The following EYS variants were observed in gnomAD, a reference collection of about 807,000 sequenced individuals.
EYS encodes protein eyes shut homolog.
EYS carries 250 observed loss-of-function variants against 282.1 expected under a neutral mutation model. The ratio of observed to expected loss-of-function variants is 0.89; its 90% CI spans 0.80 to 0.98. The LOEUF (loss-of-function observed/expected upper bound fraction) is 0.98. Ranked by LOEUF, EYS falls within the 50% of genes least tolerant of loss-of-function variation. The pLI, the probability that EYS is intolerant of heterozygous loss-of-function variation, is 0.00. For missense variants in EYS, 4,016 were observed against 3,709.0 expected (o/e 1.08, Z -2.15); for synonymous variants, 1,355 against 1,282.9 (o/e 1.06, Z -1.20).
intron 31 of EYS, among the ~76,000 whole-genome samples, chr6:64,196,872 T>C (rs1450433707): frequency 6.6e-6 from 1 of 152,060 alleles, no homozygotes; most frequent in African/African-American, 2.4e-5. Flanking sequence ...TGTGCACATG[T>C]ACCCTAAAAC....
chr6:64,798,839 C>A (rs953896347), intron 22 of EYS, among the ~76,000 whole-genome samples: 3 of 151,802 alleles, frequency 2.0e-5, no homozygotes, highest in African/African-American at 7.2e-5. Flanking sequence ...TCATAATAGA[C>A]TTTTCATTCT....
chr6:64,735,264 T>A (rs1407899374), intron 22 of EYS, among the ~76,000 whole-genome samples: 1 of 152,178 alleles, frequency 6.6e-6, no homozygotes, highest in Admixed American at 6.5e-5. Flanking sequence ...TTCGTATTTT[T>A]AGTAGAGACG....
intron 12 of EYS, among the ~76,000 whole-genome samples, chr6:65,119,436 A>T (rs750137895): frequency 1.2e-4 from 19 of 152,124 alleles, no homozygotes; most frequent in Non-Finnish European, 2.1e-4. Context: ...GAAACCAACA[A>T]AACCAATCAT....
In EYS at chr6:63,984,369, A is replaced by T; in HGVS notation, c.7055+14T>A. Reference sequence around the variant, plus strand: ...CATGTAACGTAGGTTGGGAATCAGGAGACTAATACTGACCTGATGCAGGTG... The same window carrying T: ...CATGTAACGTAGGTTGGGAATCAGGTGACTAATACTGACCTGATGCAGGTG... On this transcript the variant is annotated intron_variant, in intron 35 of 42. Transcript: ENST00000503581. 1 of 1,513,724 alleles carries T rather than the reference A, an allele frequency of 6.6e-7. No homozygotes were observed. The highest frequency in any genetic ancestry group is 1.2e-5 in the South Asian group (1 of 83,110). 93.8% of individuals were successfully genotyped at this position (1,513,724 alleles called of 1,614,324 possible).
intron 36 of EYS, among the ~76,000 whole-genome samples, chr6:63,855,273 C>A (rs1772362509): frequency 6.6e-6 from 1 of 152,176 alleles, no homozygotes; most frequent in Non-Finnish European, 1.5e-5. Context: ...GTTTTTCCAT[C>A]TGTACAATGG....
chr6:64,072,580 GT>G (rs1289752999), intron 32 of EYS, among the ~76,000 whole-genome samples: 1 of 151,790 alleles, frequency 6.6e-6, no homozygotes, highest in Non-Finnish European at 1.5e-5. Context: ...ACCAGCACTT[GT>G]GTGTTTTTCT....
chr6:65,627,582 T>C (rs1175546418), intron 2 of EYS, among the ~76,000 whole-genome samples: 1 of 151,882 alleles, frequency 6.6e-6, no homozygotes, highest in Non-Finnish European at 1.5e-5. Context: ...CCAGCTGGAG[T>C]TCCGGGTCAG....
chr6:64,550,152 T>A lies in EYS; in HGVS notation c.5644+40071A>T, dbSNP rs181853708. On this transcript the variant is annotated intron_variant, in intron 26 of 42. Coordinates refer to ENST00000503581, the MANE Select transcript of EYS (RefSeq NM_001142800.2). ...AGTCTATCATTGTTAGACATTTGGGTTGGTTCCAAGTCTTTGCTATTGTGA... is the reference window on the plus strand; with the variant it reads ...AGTCTATCATTGTTAGACATTTGGGATGGTTCCAAGTCTTTGCTATTGTGA... Among the ~76,000 whole-genome samples the A allele has an allele frequency of 5.3e-5, 8 of 152,306 alleles. No individual in the cohort carries two copies. In the East Asian group the frequency reaches 1.5e-3, roughly 29 times the overall value.
chr6:64,065,893 A>G (rs563616034), intron 33 of EYS, among the ~76,000 whole-genome samples: 15 of 152,222 alleles, frequency 9.9e-5, no homozygotes, highest in Non-Finnish European at 2.2e-4. Flanking sequence ...AAAAAAGTAA[A>G]CAAAACAATT....
chr6:63,828,786 T>C (rs1379554013), intron 36 of EYS, among the ~76,000 whole-genome samples: 1 of 152,196 alleles, frequency 6.6e-6, no homozygotes, highest in Non-Finnish European at 1.5e-5. Flanking sequence ...AGAATGGCCA[T>C]AATAAAACAA....
intron 32 of EYS, among the ~76,000 whole-genome samples, chr6:64,075,690 C>A (rs1395425416): frequency 6.6e-6 from 1 of 151,870 alleles, no homozygotes; most frequent in African/African-American, 2.4e-5. Context: ...ATCTTAAGAC[C>A]TTAATTCCCT....
chr6:65,203,772 T>A (rs2150247413), intron 12 of EYS, among the ~76,000 whole-genome samples: 1 of 152,148 alleles, frequency 6.6e-6, no homozygotes, highest in South Asian at 2.1e-4. Context: ...GAATTTAAGA[T>A]ATGCATTGTA....
intron 14 of EYS, among the ~76,000 whole-genome samples, chr6:64,948,254 CCA>C (rs1412876772): frequency 6.6e-6 from 1 of 150,418 alleles, no homozygotes; most frequent in Non-Finnish European, 1.5e-5. Flanking sequence ...TAAAAATAAC[CCA>C]GAGTTTGAGA....
At position 64,765,407 on chromosome 6, in the gene EYS, T is replaced by C. The variant is rs999198018; in HGVS notation, c.3443+47971A>G. On this transcript the variant is annotated intron_variant, in intron 22 of 42. Transcript: ENST00000503581. ...GCTTACCTGCATCTTTCTGTCTCCT[T>C]CTGAGCCCTCCAAACTGTTCCAGCC... 3.9e-5 allele frequency among the ~76,000 whole-genome samples: 6 copies of C among 152,324 alleles called. No individual in the cohort carries two copies. In the South Asian group the frequency reaches 1.2e-3, roughly 32 times the overall value.
At chr6:65,615,930 T>C (rs1278969222) in intron 2 of EYS, among the ~76,000 whole-genome samples, 2 of 114,028 alleles carry the variant, frequency 1.8e-5, no homozygotes, top group South Asian at 3.4e-4. Flanking sequence ...CGAGACTCCA[T>C]CTCAAAAAAG....
chr6:64,213,174 G>T (rs757664462), intron 31 of EYS, among the ~76,000 whole-genome samples: 60 of 151,956 alleles, frequency 3.9e-4, no homozygotes, highest in Non-Finnish European at 7.1e-4. Context: ...CCCTCATGAC[G>T]CAAGTTTACC....
rs547414746 is a variant in EYS, at chr6:64,213,406, C to A, written c.6424+17186G>T. ...TTTACTAGCAAAGCCTCTGAGAAGC[C>A]CCTGAAAATGCATAGTATTTCAAAA... On this transcript the variant is annotated intron_variant, in intron 31 of 42. Coordinates refer to ENST00000503581, the MANE Select transcript of EYS (RefSeq NM_001142800.2). 1.5e-3 allele frequency among the ~76,000 whole-genome samples: 232 copies of A among 152,090 alleles called. 2 individuals are homozygous for A. Among genetic ancestry groups the A allele is most frequent in the Non-Finnish European group, 2.6e-3 (178 of 67,990 alleles).
chr6:63,999,700 C>G (rs1767990614), intron 33 of EYS, among the ~76,000 whole-genome samples: 1 of 152,136 alleles, frequency 6.6e-6, no homozygotes, highest in Non-Finnish European at 1.5e-5. Flanking sequence ...AGAAAGCATG[C>G]CGCTAATGTA....
chr6:63,893,285 C>T, intron 35 of EYS, among the ~76,000 whole-genome samples: 1 of 152,216 alleles, frequency 6.6e-6, no homozygotes, highest in East Asian at 1.9e-4. Flanking sequence ...ACATATGTTG[C>T]TTGCTTCACT....
Sources: allele counts gnomAD v4.1 joint callset (sites outside exome capture counted in the v4.1 genomes callset), GRCh38; gene constraint gnomAD v4.1.1; transcripts MANE v1.5; gene names NCBI Gene and HGNC (gene_info 2026-07-23, HGNC 2026-07-21).